The following GATA4 variants were observed in gnomAD, a reference collection of about 807,000 sequenced individuals.
GATA4 encodes the protein GATA binding protein 4, also known as transcription factor GATA-4.
GATA4 carries 7 observed loss-of-function variants against 37.9 expected under a neutral mutation model. The observed-to-expected ratio is 0.18, with a 90% CI of 0.11 to 0.35. The LOEUF (loss-of-function observed/expected upper bound fraction) is 0.35, where lower values mean the gene tolerates loss of function less well. Among genes scored for constraint, GATA4 ranks in the 10% least tolerant of loss-of-function variants. The pLI is 1.00. For missense variants in GATA4, 647 were observed against 653.0 expected, an observed-to-expected ratio of 0.99 and a Z score of 0.10; for synonymous variants, 372 against 292.6, an observed-to-expected ratio of 1.27 and a Z score of -2.77.
intron 2 of GATA4, among the ~76,000 whole-genome samples, chr8:11,742,213 G>A (rs1801773330): frequency 6.6e-6 from 1 of 152,148 alleles, no homozygotes; most frequent in African/African-American, 2.4e-5. Flanking sequence ...AGTTCCTCCA[G>A]TGACAGGTGT....
intron 2 of GATA4, among the ~76,000 whole-genome samples, chr8:11,726,642 T>C (rs1585635435): frequency 6.6e-6 from 1 of 151,556 alleles, no homozygotes; most frequent in Admixed American, 6.6e-5. Flanking sequence ...TGCAGAGGGG[T>C]GGAGGAGGAG....
At position 11,708,949 on chromosome 8, in the gene GATA4, T is replaced by TGGGGCGCGTGAGGGCC. The variant is rs754317104; in HGVS notation, c.616+27_616+42dup. ...TCTCGGTGAGTAGGAGCGCGAGGGC[T>TGGGGCGCGTGAGGGCC]GGGGCGCGTGAGGGCCGGGGCAGGG... On this transcript the variant is annotated intron_variant, in intron 2 of 6. Transcript: ENST00000532059. This position sits in a 1 kb window ranked among gnomAD's most constrained non-coding sequence, Gnocchi z 6.7. 109 of 1,518,334 alleles carry TGGGGCGCGTGAGGGCC rather than the reference T, an allele frequency of 7.2e-5. 2 individuals are homozygous for TGGGGCGCGTGAGGGCC. The South Asian group carries it at 7.4e-4, about 10-fold the overall frequency. The allele number at this position is 1,518,334 out of a possible 1,614,324, so 94.1% of individuals were successfully genotyped here.
chr8:11,681,915 C>G (rs761755626), intron 1 of GATA4, among the ~76,000 whole-genome samples: 34 of 152,150 alleles, frequency 2.2e-4, no homozygotes, highest in Non-Finnish European at 4.3e-4. Context: ...GGGTCTCTTC[C>G]CACCTCAATC....
intron 1 of GATA4, chr8:11,681,357 G>T (rs1030940986): frequency 4.2e-5 from 41 of 985,118 alleles, no homozygotes; most frequent in Non-Finnish European, 4.9e-5. Context: ...TCCAGCACTC[G>T]TCCCCCTAGG....
At chr8:11,757,496 C>T (rs918967308) in intron 6 of GATA4, among the ~76,000 whole-genome samples, 1 of 152,192 alleles carries the variant, frequency 6.6e-6, no homozygotes, top group Admixed American at 6.5e-5. Flanking sequence ...GTTGCGCTGT[C>T]GGAGGCCGAG....
intron 2 of GATA4, among the ~76,000 whole-genome samples, chr8:11,724,344 G>A (rs917147512): frequency 1.3e-5 from 2 of 152,150 alleles, no homozygotes; most frequent in Admixed American, 1.3e-4. Flanking sequence ...AAGCGGCATT[G>A]CTGGATCCTA....
In GATA4 at chr8:11,757,238, G is replaced by T. The variant is rs113480711; in HGVS notation, c.1149+155G>T. ...GCTAGGAAGACCCAGCCATTGAGCT[G>T]TGTGGTGCCCTCAGGGCCGCACGAG... On this transcript the variant is annotated intron_variant, in intron 6 of 6. Transcript: ENST00000532059. Among the ~76,000 whole-genome samples, 522 of 152,364 alleles carry T rather than the reference G, an allele frequency of 3.4e-3. 1 individual carries two copies. Among genetic ancestry groups the T allele is most frequent in the African/African-American group, 0.012 (486 of 41,580 alleles).
At chr8:11,747,016 G>A (rs1290008431) in intron 2 of GATA4, among the ~76,000 whole-genome samples, 3 of 152,194 alleles carry the variant, frequency 2.0e-5, no homozygotes, top group Non-Finnish European at 4.4e-5. Flanking sequence ...CAAGTAGCTG[G>A]GCCACATAAC....
intron 5 of GATA4, 79 bp downstream of exon 5, chr8:11,755,212 A>G: frequency 1.6e-6 from 2 of 1,238,902 alleles, no homozygotes; most frequent in East Asian, 2.4e-5. Context: ...CTTCCGGGTT[A>G]GGCAGGCCAG....
At chr8:11,735,250 A>G (rs1333252064) in intron 2 of GATA4, among the ~76,000 whole-genome samples, 1 of 152,262 alleles carries the variant, frequency 6.6e-6, no homozygotes, top group Non-Finnish European at 1.5e-5. Flanking sequence ...GCATTCATGT[A>G]AATCTTTAAA....
intron 1 of GATA4, among the ~76,000 whole-genome samples, chr8:11,677,435 G>GA (rs1169181526): frequency 7.2e-5 from 11 of 152,174 alleles, no homozygotes; most frequent in Non-Finnish European, 1.6e-4. Flanking sequence ...GGTGTCTCAG[G>GA]AAAAACCTAA....
At chr8:11,714,749 C>A (rs992238384) in intron 2 of GATA4, among the ~76,000 whole-genome samples, 1 of 152,146 alleles carries the variant, frequency 6.6e-6, no homozygotes, top group Non-Finnish European at 1.5e-5. Context: ...GGAGACAGTT[C>A]TAGATAACGC....
At chr8:11,681,228 C>T (rs1209380375) in intron 1 of GATA4, 1 of 985,352 alleles carries the variant, frequency 1.0e-6, no homozygotes, top group South Asian at 4.7e-5. Context: ...GATTTCTCGA[C>T]GTTTGGGGAC....
At chr8:11,746,227 C>CA (rs529776881) in intron 2 of GATA4, among the ~76,000 whole-genome samples, 2,151 of 129,346 alleles carry the variant, frequency 0.017, 31 homozygotes, top group East Asian at 0.032. Context: ...GACTCTGTCT[C>CA]AAAAAAAAAA....
chr8:11,719,202 T>TC (rs1800562956), intron 2 of GATA4, among the ~76,000 whole-genome samples: 1 of 150,566 alleles, frequency 6.6e-6, no homozygotes, highest in South Asian at 2.1e-4. Flanking sequence ...GGTGGGGGAG[T>TC]CCTTTTTTTT....
chr8:11,717,098 G>C (rs915481391), intron 2 of GATA4, among the ~76,000 whole-genome samples: 12 of 152,158 alleles, frequency 7.9e-5, no homozygotes, highest in Admixed American at 6.5e-5. Context: ...ATTGACCTCT[G>C]GTAGACCATG....
chr8:11,757,085 T>A lies in GATA4; in HGVS notation c.1149+2T>A. On this transcript the variant is annotated splice_donor_variant, in intron 6 of 6. Transcript: ENST00000532059. LOFTEE classifies it high-confidence loss of function. ...GGGCACAGCAGCTCCGTGTCCCAGG[T>A]ACGCGCCATGGCTGGGGCGCCAGGG... The A allele has an allele frequency of 6.2e-7, 1 of 1,613,742 alleles. No individual in the cohort carries two copies. The highest frequency in any genetic ancestry group is 8.5e-7 in the Non-Finnish European group (1 of 1,179,716).
intron 2 of GATA4, among the ~76,000 whole-genome samples, chr8:11,737,191 A>T (rs1801503159): frequency 6.6e-6 from 1 of 151,298 alleles, no homozygotes; most frequent in African/African-American, 2.4e-5. Context: ...AAATTTCTAC[A>T]CCCTTGCTCG....
At position 11,708,730 on chromosome 8, in the gene GATA4, G is replaced by T; in HGVS notation, c.418G>T (p.Gly140Cys). 1 of 1,272,144 alleles carries T rather than the reference G, an allele frequency of 7.9e-7. No individual in the cohort carries two copies. The highest frequency in any genetic ancestry group is 9.8e-7 in the Non-Finnish European group (1 of 1,016,116). 78.8% of individuals were successfully genotyped at this position (1,272,144 alleles called of 1,614,324 possible). A position where few individuals can be genotyped will look rare whatever the true frequency, so the allele number is the denominator to read the frequency against. The change falls in exon 2 of 7, where the codon GGT becomes TGT. Residue 140 changes from glycine (G) to cysteine (C), a missense_variant. Coordinates refer to ENST00000532059, the MANE Select transcript of GATA4 (RefSeq NM_001308093.3). The surrounding 1 kb of genome is among the most constrained non-coding windows in gnomAD (Gnocchi z 6.7). ...AAYSSGGGAAGAGLAGREQYG... is the reference protein window; with the variant it reads ...AAYSSGGGAACAGLAGREQYG... Reference sequence around the variant, plus strand: ...CTACAGCAGTGGCGGCGGAGCGGCGGGTGCGGGCCTGGCGGGCCGCGAGCA... The same window carrying T: ...CTACAGCAGTGGCGGCGGAGCGGCGTGTGCGGGCCTGGCGGGCCGCGAGCA...
Sources: gnomAD v4.1 joint callset for allele counts (sites outside exome capture counted in the v4.1 genomes callset) on GRCh38, gnomAD v4.1.1 for gene constraint, Gnocchi (gnomAD v3.1) non-coding constraint, MANE v1.5 for transcripts, NCBI Gene and HGNC (gene_info 2026-07-23, HGNC 2026-07-21) for gene names.